DPH6: variants seen among roughly 807,000 people sequenced by gnomAD.
DPH6 encodes diphthine--ammonia ligase.
In DPH6, 33 loss-of-function variants were observed where a neutral mutation model predicts 38.2. The observed-to-expected ratio is 0.86, with a 90% CI of 0.65 to 1.15. DPH6 has a LOEUF of 1.15. Ranked by LOEUF, DPH6 falls within the 50% of genes most tolerant of loss-of-function variation. The pLI, the probability that DPH6 is intolerant of heterozygous loss-of-function variation, is 0.00. For missense variants in DPH6, 325 were observed against 320.0 expected, an observed-to-expected ratio of 1.02 and a Z score of -0.12; for synonymous variants, 108 against 103.0, an observed-to-expected ratio of 1.05 and a Z score of -0.30.
intron 3 of DPH6, among the ~76,000 whole-genome samples, chr15:35,278,464 C>T (rs1401510627): frequency 1.3e-5 from 2 of 152,202 alleles, no homozygotes; most frequent in East Asian, 1.9e-4. Context: ...GTAGAGCCCC[C>T]GCAGAGAGGC....
the DPH6 span, among the ~76,000 whole-genome samples, chr15:35,190,675 T>C: frequency 6.6e-6 from 1 of 152,244 alleles, no homozygotes. Flanking sequence ...AAATTGTTGC[T>C]ACTACAAAGG....
intron 6 of DPH6, among the ~76,000 whole-genome samples, chr15:35,382,292 C>T (rs1019507077): frequency 6.6e-6 from 1 of 152,060 alleles, no homozygotes; most frequent in Admixed American, 6.6e-5. Flanking sequence ...AAAAATTAGC[C>T]GGGCATGGTG....
chr15:35,287,133 T>G (rs1010835724), intron 3 of DPH6, among the ~76,000 whole-genome samples: 1 of 152,160 alleles, frequency 6.6e-6, no homozygotes, highest in Non-Finnish European at 1.5e-5. Context: ...ATGTTACAAC[T>G]CAGTAAACAG....
intron 6 of DPH6, among the ~76,000 whole-genome samples, chr15:35,398,801 A>G (rs57390322): frequency 0.33 from 50,308 of 151,992 alleles, 9,310 homozygotes; most frequent in African/African-American, 0.5. Context: ...GCAGTCTTGT[A>G]GCACTGAACC....
At chr15:35,529,582 T>A (rs1469951415) in intron 3 of DPH6, among the ~76,000 whole-genome samples, 1 of 152,190 alleles carries the variant, frequency 6.6e-6, no homozygotes, top group Non-Finnish European at 1.5e-5. Flanking sequence ...CATAACCCTT[T>A]AGTTGCATGC....
At chr15:35,519,564 T>C (rs1385201037) in intron 3 of DPH6, 1 of 152,260 alleles carries the variant, frequency 6.6e-6, no homozygotes, top group Non-Finnish European at 1.5e-5. Context: ...AATGGTCTTT[T>C]GTTCTCTTTG....
chr15:35,156,819 C>T, the DPH6 span, among the ~76,000 whole-genome samples: 2 of 150,554 alleles, frequency 1.3e-5, no homozygotes, highest in East Asian at 2.0e-4. Flanking sequence ...AACTAGGTGT[C>T]GACCTACACA....
intron 3 of DPH6, among the ~76,000 whole-genome samples, chr15:35,482,036 C>T (rs2054333387): frequency 6.6e-6 from 1 of 152,158 alleles, no homozygotes; most frequent in Non-Finnish European, 1.5e-5. Flanking sequence ...TCTGTGGCAT[C>T]CTTGCCTGGA....
chr15:35,327,806 TG>T (rs1595480949), downstream of DPH6, among the ~76,000 whole-genome samples: 1 of 152,196 alleles, frequency 6.6e-6, no homozygotes, highest in East Asian at 1.9e-4. Flanking sequence ...GCCCATGCTT[TG>T]TTAGATAAAT....
chr15:35,214,074 T>C (rs566671137), downstream of DPH6, among the ~76,000 whole-genome samples: 445 of 147,624 alleles, frequency 3.0e-3, 9 homozygotes, highest in Non-Finnish European at 4.5e-3. Flanking sequence ...ATTGCGCCAC[T>C]GCACTCCAGC....
At chr15:35,200,983 C>CTTTT in the DPH6 span, among the ~76,000 whole-genome samples, 146 of 123,830 alleles carry the variant, frequency 1.2e-3, 1 homozygote, top group Admixed American at 8.2e-3. Context: ...AATAATTTCC[C>CTTTT]TTTTTTTTTT....
At chr15:35,388,627 A>G (rs1428865595) in intron 6 of DPH6, among the ~76,000 whole-genome samples, 1 of 152,090 alleles carries the variant, frequency 6.6e-6, no homozygotes, top group Admixed American at 6.5e-5. Context: ...GTTTATTTGC[A>G]TAGAGGTGTT....
chr15:35,513,251 T>A (rs975011042), intron 3 of DPH6, among the ~76,000 whole-genome samples: 10 of 152,236 alleles, frequency 6.6e-5, no homozygotes, highest in Non-Finnish European at 1.2e-4. Flanking sequence ...GTGTATTTTT[T>A]AAATTTAAAA....
chr15:35,160,435 T>G, the DPH6 span, among the ~76,000 whole-genome samples: 1 of 152,070 alleles, frequency 6.6e-6, no homozygotes, highest in Admixed American at 6.6e-5. Flanking sequence ...TGGTTCTTTA[T>G]TTTTTCTTTT....
chr15:35,301,745 G>C (rs2052055666), intron 3 of DPH6, among the ~76,000 whole-genome samples: 1 of 152,128 alleles, frequency 6.6e-6, no homozygotes, highest in African/African-American at 2.4e-5. Context: ...GGCCAAGGTG[G>C]GTGAATCACT....
rs76595209 is a variant in DPH6 at position 35,322,165 on chromosome 15, T to C, written n.200+51356A>G. Among the ~76,000 whole-genome samples, 824 of 152,300 alleles carry C rather than the reference T, an allele frequency of 5.4e-3. 5 individuals carry two copies. The highest frequency in any genetic ancestry group is 9.0e-3 in the Admixed American group (138 of 15,296). On this transcript the variant is annotated intron_variant and non_coding_transcript_variant, in intron 3 of 3. Coordinates refer to the DPH6 transcript ENST00000560386. ...TCTTAGCTTCTACATAGTGATGTTA[T>C]TTATAGGAATAATTGGAAAAGTCAC...
intron 6 of DPH6, 114 bp from the exon 7 acceptor site, chr15:35,382,030 T>C: frequency 1.3e-6 from 1 of 746,152 alleles, no homozygotes; most frequent in Non-Finnish European, 2.2e-6. Context: ...CAAAATAGTT[T>C]GCAAGGTAAG....
chr15:35,492,806 A>C (rs992964176), intron 3 of DPH6, among the ~76,000 whole-genome samples: 1 of 152,206 alleles, frequency 6.6e-6, no homozygotes, highest in South Asian at 2.1e-4. Flanking sequence ...AGAACTACTA[A>C]GTGCCATATG....
At chr15:35,451,916 A>C (rs895023955) in intron 4 of DPH6, among the ~76,000 whole-genome samples, 4 of 152,216 alleles carry the variant, frequency 2.6e-5, no homozygotes, top group African/African-American at 7.2e-5. Flanking sequence ...AGGCTGAGGC[A>C]GGAGAATGGC....
Sources: gnomAD v4.1 joint callset for allele counts (sites outside exome capture counted in the v4.1 genomes callset) on GRCh38, gnomAD v4.1.1 for gene constraint, MANE v1.5 for transcripts, NCBI Gene and HGNC (gene_info 2026-07-23, HGNC 2026-07-21) for gene names.